NRXN3: variants seen among roughly 807,000 people sequenced by gnomAD.
The protein encoded by NRXN3 is neurexin 3.
A neutral mutation model predicts 137.6 loss-of-function variants in NRXN3; 32 were observed. That is an observed-to-expected ratio of 0.23 (90% CI 0.18 to 0.31). The LOEUF (loss-of-function observed/expected upper bound fraction) is 0.31, where lower values mean the gene tolerates loss of function less well. NRXN3 is among the 10% of genes least tolerant of loss of function. NRXN3 has a pLI of 1.00. For synonymous variants in NRXN3, 798 were observed against 784.5 expected (o/e 1.02, Z -0.29); for missense variants, 1,574 against 2,062.5 (o/e 0.76, Z 4.59).
intron 1 of NRXN3, among the ~76,000 whole-genome samples, chr14:78,179,986 C>T (rs1331062097): frequency 3.3e-5 from 5 of 152,010 alleles, no homozygotes; most frequent in African/African-American, 9.7e-5. Flanking sequence ...GCTGGGATTA[C>T]AGGCATGTGC....
At chr14:78,473,114 C>T (rs1275879451) in intron 4 of NRXN3, among the ~76,000 whole-genome samples, 4 of 151,922 alleles carry the variant, frequency 2.6e-5, no homozygotes, top group Non-Finnish European at 5.9e-5. Flanking sequence ...AAAAGAAAAA[C>T]CTTTCTGGCC....
chr14:79,705,838 TCAC>T (rs2098776044), intron 19 of NRXN3, among the ~76,000 whole-genome samples: 1 of 152,168 alleles, frequency 6.6e-6, no homozygotes, highest in African/African-American at 2.4e-5. Context: ...ACATTATAGC[TCAC>T]ATTTATTTGT....
intron 20 of NRXN3, among the ~76,000 whole-genome samples, chr14:79,824,279 T>C (rs2099283799): frequency 6.6e-6 from 1 of 152,244 alleles, no homozygotes; most frequent in South Asian, 2.1e-4. Context: ...CTCTCTTCCA[T>C]GTAGGGAACA....
intron 6 of NRXN3, among the ~76,000 whole-genome samples, chr14:78,669,196 A>G (rs2097913727): frequency 6.6e-6 from 1 of 152,218 alleles, no homozygotes; most frequent in South Asian, 2.1e-4. Context: ...GTAAAGTCAC[A>G]AAAATGCAAA....
chr14:79,154,523 C>T lies in NRXN3; in HGVS notation c.3262+166382C>T, dbSNP rs142315772. Among the ~76,000 whole-genome samples, 235 of 151,830 alleles carry T rather than the reference C, an allele frequency of 1.5e-3. 1 individual carries two copies. The highest frequency in any genetic ancestry group is 5.5e-3 in the African/African-American group (228 of 41,456). ...TATGTTCTCAAATTTTGCCTCAAGCCCCATCATTCCCTGTTTTATTATGGT... is the reference window on the plus strand; with the variant it reads ...TATGTTCTCAAATTTTGCCTCAAGCTCCATCATTCCCTGTTTTATTATGGT... On this transcript the variant is annotated intron_variant, in intron 15 of 20. Transcript: ENST00000335750.
At chr14:78,487,037 G>A (rs1361731063) in intron 4 of NRXN3, among the ~76,000 whole-genome samples, 1 of 152,140 alleles carries the variant, frequency 6.6e-6, no homozygotes, top group African/African-American at 2.4e-5. Flanking sequence ...TCCCCATATG[G>A]TTGAGTTTTG....
intron 16 of NRXN3, among the ~76,000 whole-genome samples, chr14:79,524,971 TA>T (rs770680767): frequency 1.3e-5 from 2 of 152,002 alleles, no homozygotes; most frequent in Non-Finnish European, 2.9e-5. Flanking sequence ...TTTTTCTGGG[TA>T]GGGGGCAAAA....
At chr14:79,768,802 G>A (rs375984629) in intron 19 of NRXN3, among the ~76,000 whole-genome samples, 1 of 152,174 alleles carries the variant, frequency 6.6e-6, no homozygotes, top group Admixed American at 6.5e-5. Context: ...AGAGAAGAAA[G>A]CTTCAGACAA....
chr14:78,852,927 G>A (rs912590989), intron 10 of NRXN3, among the ~76,000 whole-genome samples: 1 of 150,856 alleles, frequency 6.6e-6, no homozygotes, highest in Non-Finnish European at 1.5e-5. Flanking sequence ...TCAAATAAGA[G>A]AACATGTGAA....
intron 4 of NRXN3, among the ~76,000 whole-genome samples, chr14:78,506,479 T>C (rs2095993720): frequency 1.3e-5 from 2 of 152,114 alleles, no homozygotes; most frequent in Admixed American, 1.3e-4. Flanking sequence ...TTATTTTTAA[T>C]CTTTTGAGTA....
At chr14:79,283,961 C>T (rs2081735811) in intron 15 of NRXN3, among the ~76,000 whole-genome samples, 1 of 151,810 alleles carries the variant, frequency 6.6e-6, no homozygotes, top group Admixed American at 6.6e-5. Context: ...TCAAAATATC[C>T]TTTATAAAAT....
intron 20 of NRXN3, among the ~76,000 whole-genome samples, chr14:79,838,967 A>G (rs920173683): frequency 1.3e-5 from 2 of 152,200 alleles, no homozygotes; most frequent in African/African-American, 4.8e-5. Flanking sequence ...TTTACTTGCA[A>G]TTGTAGAATT....
At chr14:79,018,294 AAAGAG>A (rs2099583136) in intron 15 of NRXN3, among the ~76,000 whole-genome samples, 1 of 15,910 alleles carries the variant, frequency 6.3e-5, no homozygotes, top group African/African-American at 9.7e-5. Context: ...AAAAAAAAAA[AAAGAG>A]AGAGAGCAAG....
chr14:78,693,418 G>GT (rs968043517), intron 6 of NRXN3, among the ~76,000 whole-genome samples: 10 of 151,586 alleles, frequency 6.6e-5, no homozygotes, highest in African/African-American at 2.2e-4. Context: ...GTTTTGTTTT[G>GT]TTTTTTCCCC....
intron 15 of NRXN3, among the ~76,000 whole-genome samples, chr14:79,264,953 G>A (rs1410103504): frequency 1.3e-5 from 2 of 151,894 alleles, no homozygotes; most frequent in African/African-American, 4.8e-5. Flanking sequence ...ATACACGCAT[G>A]TATATATCTA....
chr14:78,344,719 G>A (rs551419760), intron 4 of NRXN3, among the ~76,000 whole-genome samples: 2 of 152,188 alleles, frequency 1.3e-5, no homozygotes, highest in Non-Finnish European at 2.9e-5. Flanking sequence ...ACATGGACAC[G>A]ACATTGCTTA....
intron 16 of NRXN3, among the ~76,000 whole-genome samples, chr14:79,529,050 C>A (rs1361690539): frequency 6.6e-6 from 1 of 152,118 alleles, no homozygotes; most frequent in African/African-American, 2.4e-5. Context: ...GCAGGACGAG[C>A]CGCAGACGAA....
rs113388919 is a variant in NRXN3, at chr14:79,531,404, T to C, written c.3444+64002T>C. ...AATCAACTTAATGAAGGGTAGAACA[T>C]TGAGATATATACCTGTTAATAGTAG... On this transcript the variant is annotated intron_variant, in intron 16 of 20. Coordinates refer to ENST00000335750, the MANE Select transcript of NRXN3 (RefSeq NM_001330195.2). Among the ~76,000 whole-genome samples the C allele has an allele frequency of 9.8e-3, 1,498 of 152,270 alleles. 18 individuals are homozygous for C. The highest frequency in any genetic ancestry group is 0.016 in the Non-Finnish European group (1,074 of 68,022).
At chr14:78,565,658 G>A (rs954285832) in intron 4 of NRXN3, among the ~76,000 whole-genome samples, 8 of 152,182 alleles carry the variant, frequency 5.3e-5, no homozygotes, top group South Asian at 2.1e-4. Context: ...GATAATAAAC[G>A]TAAAAGTACT....
Sources: allele counts gnomAD v4.1 joint callset (sites outside exome capture counted in the v4.1 genomes callset), GRCh38; gene constraint gnomAD v4.1.1; transcripts MANE v1.5; gene names NCBI Gene and HGNC (gene_info 2026-07-23, HGNC 2026-07-21).